CSMD1: variants seen among roughly 807,000 people sequenced by gnomAD.
The protein encoded by CSMD1 is CUB and Sushi multiple domains 1.
Under a neutral mutation model 417.5 loss-of-function variants are expected in CSMD1, and 213 were observed. That is an observed-to-expected ratio of 0.51 (90% confidence interval 0.46 to 0.57). The LOEUF is 0.57. Ranked by LOEUF, CSMD1 falls within the 20% of genes least tolerant of loss-of-function variation. CSMD1 has a pLI of 0.00. For missense variants in CSMD1, 6,923 were observed against 4,529.7 expected, an observed-to-expected ratio of 1.53 and a Z score of -15.17; for synonymous variants, 2,862 against 1,736.8, an observed-to-expected ratio of 1.65 and a Z score of -16.11.
At chr8:4,933,967 C>G (rs1007100919) in intron 1 of CSMD1, among the ~76,000 whole-genome samples, 1 of 151,918 alleles carries the variant, frequency 6.6e-6, no homozygotes, top group African/African-American at 2.4e-5. Flanking sequence ...CCCACACAGT[C>G]ACTCTCACTC....
At chr8:4,513,125 G>A (rs1385315032) in intron 2 of CSMD1, among the ~76,000 whole-genome samples, 1 of 152,136 alleles carries the variant, frequency 6.6e-6, no homozygotes, top group Non-Finnish European at 1.5e-5. Flanking sequence ...CAGCAAGAGT[G>A]CGCTCCAATG....
At chr8:4,020,318 G>C (rs767340013) in intron 4 of CSMD1, among the ~76,000 whole-genome samples, 1 of 152,172 alleles carries the variant, frequency 6.6e-6, no homozygotes, top group African/African-American at 2.4e-5. Context: ...GTTTCACCAC[G>C]ACAAGCACTT....
At chr8:3,589,138 A>G (rs569955851) in intron 8 of CSMD1, among the ~76,000 whole-genome samples, 74 of 152,324 alleles carry the variant, frequency 4.9e-4, no homozygotes, top group African/African-American at 1.7e-3. Flanking sequence ...TTAGAAATGT[A>G]AAATATGTAA....
At chr8:4,330,971 C>T (rs190621616) in intron 3 of CSMD1, among the ~76,000 whole-genome samples, 16 of 152,188 alleles carry the variant, frequency 1.1e-4, no homozygotes, top group East Asian at 5.8e-4. Flanking sequence ...CAAGACCCCC[C>T]GACATATACA....
At chr8:3,893,560 G>A in intron 5 of CSMD1, among the ~76,000 whole-genome samples, 1 of 151,648 alleles carries the variant, frequency 6.6e-6, no homozygotes, top group South Asian at 2.1e-4. Context: ...AAACGCCACT[G>A]CTCTACTTCC....
chr8:3,647,178 C>G (rs1797618334), intron 7 of CSMD1, among the ~76,000 whole-genome samples: 1 of 152,082 alleles, frequency 6.6e-6, no homozygotes, highest in East Asian at 1.9e-4. Flanking sequence ...AACTCAAGTT[C>G]AAGAGGCACA....
chr8:4,472,938 T>C (rs1299407343), intron 2 of CSMD1, among the ~76,000 whole-genome samples: 2 of 152,008 alleles, frequency 1.3e-5, no homozygotes, highest in Non-Finnish European at 2.9e-5. Context: ...CTCCATTCTA[T>C]GTAAATCTAC....
At chr8:3,563,050 C>G (rs1799537807) in intron 10 of CSMD1, among the ~76,000 whole-genome samples, 1 of 151,840 alleles carries the variant, frequency 6.6e-6, no homozygotes, top group Non-Finnish European at 1.5e-5. Context: ...CCATTCTTTG[C>G]TTGGTCATGA....
At chr8:4,169,649 C>T (rs1409729737) in intron 3 of CSMD1, among the ~76,000 whole-genome samples, 2 of 152,134 alleles carry the variant, frequency 1.3e-5, no homozygotes, top group African/African-American at 4.8e-5. Context: ...GCAGGGACGC[C>T]ATGAGAGCCA....
chr8:3,250,688 G>C (rs942302452), intron 26 of CSMD1, among the ~76,000 whole-genome samples: 2 of 152,180 alleles, frequency 1.3e-5, no homozygotes, highest in African/African-American at 4.8e-5. Context: ...GTGTAAAAGT[G>C]TTCCTATTTC....
chr8:3,861,227 C>A (rs180676466), intron 5 of CSMD1, among the ~76,000 whole-genome samples: 52 of 152,268 alleles, frequency 3.4e-4, no homozygotes, highest in Middle Eastern at 3.4e-3. Flanking sequence ...ATTGCAGTCG[C>A]CTGTGGGTTT....
intron 3 of CSMD1, among the ~76,000 whole-genome samples, chr8:4,085,013 TC>T (rs59313525): frequency 0.1 from 15,802 of 152,242 alleles, 908 homozygotes; most frequent in South Asian, 0.13. Flanking sequence ...TTTAGATTTT[TC>T]CTTATGCAAA....
intron 36 of CSMD1, 143 bp downstream of exon 36, chr8:3,187,726 C>A: frequency 1.6e-6 from 1 of 616,896 alleles, no homozygotes; most frequent in Non-Finnish European, 2.9e-6. Flanking sequence ...TACTCTAAGA[C>A]TTTCAGCACT....
chr8:3,247,691 T>G (rs144398077), intron 26 of CSMD1, among the ~76,000 whole-genome samples: 2 of 152,154 alleles, frequency 1.3e-5, no homozygotes, highest in Non-Finnish European at 2.9e-5. Context: ...GGCAAACAGT[T>G]AAACCACATC....
At chr8:3,681,122 C>A (rs1190075136) in intron 7 of CSMD1, among the ~76,000 whole-genome samples, 1 of 152,146 alleles carries the variant, frequency 6.6e-6, no homozygotes, top group African/African-American at 2.4e-5. Context: ...CCTTTGAAAA[C>A]TGGCACAAGA....
At position 3,365,913 on chromosome 8, in the gene CSMD1, T is replaced by C. The variant is rs560897936; in HGVS notation, c.3115+1119A>G. On this transcript the variant is annotated intron_variant, in intron 20 of 69. Coordinates refer to ENST00000635120, the MANE Select transcript of CSMD1 (RefSeq NM_033225.6). The stretch of plus-strand genomic sequence containing the variant: ...CAGTAACATACAGCAGTAGAGCTGT[T>C]GTTTATATAAAAGTGGGGCAAGCAA... 9.3e-4 allele frequency among the ~76,000 whole-genome samples: 141 copies of C among 152,324 alleles called. 3 individuals are homozygous for C. In the South Asian group the frequency reaches 0.028, roughly 30 times the overall value.
chr8:3,964,124 T>C (rs924143829), intron 5 of CSMD1, among the ~76,000 whole-genome samples: 5 of 152,174 alleles, frequency 3.3e-5, no homozygotes, highest in East Asian at 3.8e-4. Flanking sequence ...GAAAAAAAAG[T>C]TTTGCGTAAA....
intron 12 of CSMD1, among the ~76,000 whole-genome samples, chr8:3,452,426 C>G (rs1206014729): frequency 6.6e-6 from 1 of 152,112 alleles, no homozygotes; most frequent in Non-Finnish European, 1.5e-5. Context: ...CAGTTTTTGC[C>G]CCTTCAGTAT....
chr8:4,458,183 C>G (rs1231616060), intron 2 of CSMD1, among the ~76,000 whole-genome samples: 1 of 152,078 alleles, frequency 6.6e-6, no homozygotes, highest in Non-Finnish European at 1.5e-5. Context: ...TACTAAATAT[C>G]AAAATGATAC....
Sources: gnomAD v4.1 joint callset for allele counts (sites outside exome capture counted in the v4.1 genomes callset) on GRCh38, gnomAD v4.1.1 for gene constraint, MANE v1.5 for transcripts, NCBI Gene and HGNC (gene_info 2026-07-23, HGNC 2026-07-21) for gene names.